Variants in OSMR observed in about 807,000 individuals in gnomAD.
OSMR encodes the protein oncostatin M receptor, also known as oncostatin-M-specific receptor subunit beta.
OSMR carries 81 observed loss-of-function variants against 99.9 expected under a neutral mutation model. The observed-to-expected ratio is 0.81, with a 90% CI of 0.68 to 0.97. The LOEUF is 0.97. Among genes scored for constraint, OSMR ranks in the 50% least tolerant of loss-of-function variants. The probability of loss-of-function intolerance (pLI) is 0.00; values close to 1 mark genes in which losing one functional copy is unlikely to be tolerated. For missense variants in OSMR, 1,099 were observed against 1,153.4 expected (o/e 0.95, Z 0.68); for synonymous variants, 406 against 410.4 (o/e 0.99, Z 0.13).
intron 9 of OSMR, 93 bp from the exon 10 acceptor site, chr5:38,917,453 A>G: frequency 6.4e-7 from 1 of 1,559,202 alleles, no homozygotes; most frequent in Non-Finnish European, 8.7e-7. Flanking sequence ...TTGGACAGGT[A>G]ATTGTCATGT....
intron 7 of OSMR, among the ~76,000 whole-genome samples, chr5:38,896,892 C>T (rs959898965): frequency 2.0e-5 from 3 of 151,992 alleles, no homozygotes; most frequent in Admixed American, 2.0e-4. Context: ...GCTTTTTTAG[C>T]ATCAATTGAA....
At chr5:38,876,470 ATATAT>A (rs1742850082) in intron 3 of OSMR, 97 bp downstream of exon 3, 3 of 960,488 alleles carry the variant, frequency 3.1e-6, no homozygotes, top group Non-Finnish European at 4.9e-6. Flanking sequence ...CGTTTTGGAA[ATATAT>A]TAGCAGCTCA....
intron 9 of OSMR, among the ~76,000 whole-genome samples, chr5:38,909,635 A>G (rs1450028707): frequency 2.0e-5 from 3 of 152,220 alleles, no homozygotes; most frequent in Non-Finnish European, 2.9e-5. Context: ...ACTAAGCTTC[A>G]TAAGTGAATG....
At chr5:38,901,719 A>G (rs916843933) in intron 7 of OSMR, among the ~76,000 whole-genome samples, 1 of 152,148 alleles carries the variant, frequency 6.6e-6, no homozygotes, top group Non-Finnish European at 1.5e-5. Flanking sequence ...GGACATCTGT[A>G]ATTTTATTGA....
chr5:38,886,169 C>T lies in OSMR; in HGVS notation c.970C>T (p.Leu324Phe). 6.2e-7 allele frequency: 1 copy of T among 1,614,072 alleles called. No homozygotes were observed. The highest frequency in any genetic ancestry group is 1.1e-5 in the South Asian group (1 of 91,076). ...NYLRKRSVNI[L>F]FNLTHRVYLM... ...CTTAAGGAAGAGAAGTGTCAATATC[C>T]TTTTTAACCTGACTCATCGAGGTGA... Residue 324 changes from leucine to phenylalanine, a missense_variant, in exon 7 of 18, where the codon CTT becomes TTT. By Grantham distance (22) the Leu-to-Phe change is conservative. Coordinates refer to ENST00000274276, the MANE Select transcript of OSMR (RefSeq NM_003999.3).
At chr5:38,855,481 C>A (rs1314126391) in intron 1 of OSMR, among the ~76,000 whole-genome samples, 1 of 152,184 alleles carries the variant, frequency 6.6e-6, no homozygotes. Context: ...CTCCCACACT[C>A]CTCTGCTCCT....
At chr5:38,900,459 G>A (rs981908349) in intron 7 of OSMR, among the ~76,000 whole-genome samples, 1 of 152,126 alleles carries the variant, frequency 6.6e-6, no homozygotes, top group African/African-American at 2.4e-5. Flanking sequence ...GATCCTGCAG[G>A]TGGGACAATC....
At chr5:38,875,863 C>T (rs1340490141) in intron 2 of OSMR, among the ~76,000 whole-genome samples, 1 of 152,180 alleles carries the variant, frequency 6.6e-6, no homozygotes, top group Non-Finnish European at 1.5e-5. Context: ...ACATTTCCAT[C>T]AAAAAGTCTT....
chr5:38,891,062 A>G (rs1432191757), intron 7 of OSMR, among the ~76,000 whole-genome samples: 1 of 152,198 alleles, frequency 6.6e-6, no homozygotes, highest in African/African-American at 2.4e-5. Context: ...AGTGGATTTT[A>G]ATTGGCCATC....
At chr5:38,939,042 C>A (rs1377793106), downstream of OSMR, 1 of 232,946 alleles carries the variant, frequency 4.3e-6, no homozygotes, top group African/African-American at 2.2e-5. Context: ...TCATCTCACA[C>A]AAAATTAGCA....
rs752271390 is a variant in OSMR at position 38,925,248 on chromosome 5, A to C, written c.2089A>C (p.Lys697Gln). 6.2e-7 allele frequency: 1 copy of C among 1,614,108 alleles called. No homozygotes were observed. Among genetic ancestry groups the C allele is most frequent in the South Asian group, 1.1e-5 (1 of 91,076 alleles). Reference sequence around the variant, plus strand: ...ATACAAAATTGACAACCCGGAAGAAAAGGCATTGATTGTGGACAACCTAAA... The same window carrying C: ...ATACAAAATTGACAACCCGGAAGAACAGGCATTGATTGTGGACAACCTAAA... ...CKYKIDNPEE[K>Q]ALIVDNLKPE... The change falls in exon 15 of 18, where the codon AAG becomes CAG. Residue 697 changes from lysine (K) to glutamine (Q), a missense_variant. Physicochemically the swap from Lys to Gln is moderately conservative, Grantham distance 53. Coordinates refer to ENST00000274276, the MANE Select transcript of OSMR (RefSeq NM_003999.3).
chr5:38,919,066 A>C lies in OSMR; in HGVS notation c.1585+4A>C, dbSNP rs138324233. On this transcript the variant is annotated splice_donor_region_variant and intron_variant, in intron 11 of 17. Transcript: ENST00000274276. Reference sequence around the variant, plus strand: ...ATCTCTGCAGACCCCGAAAACAGTGAGTTTGTTTTCATTTTCTTTTGTTTT... The same window carrying C: ...ATCTCTGCAGACCCCGAAAACAGTGCGTTTGTTTTCATTTTCTTTTGTTTT... 9 of 1,613,650 alleles carry C rather than the reference A, an allele frequency of 5.6e-6. No homozygotes were observed. The Middle Eastern group carries it at 4.9e-4, about 89-fold the overall frequency.
At chr5:38,846,616 T>G (rs745702596) in intron 1 of OSMR, among the ~76,000 whole-genome samples, 68 of 152,156 alleles carry the variant, frequency 4.5e-4, no homozygotes, top group Non-Finnish European at 7.8e-4. Flanking sequence ...GACTCCCACC[T>G]GAGAGAGCCA....
chr5:38,849,592 T>C (rs1740195383), intron 1 of OSMR, among the ~76,000 whole-genome samples: 1 of 152,226 alleles, frequency 6.6e-6, no homozygotes, highest in African/African-American at 2.4e-5. Flanking sequence ...ACATACATTT[T>C]CTCTTTACAA....
rs1743299729 is a variant in OSMR, at chr5:38,881,709, C to T, written c.363C>T (p.Ala121=). 6.2e-7 allele frequency: 1 copy of T among 1,614,174 alleles called. No homozygotes were observed. Among genetic ancestry groups the T allele is most frequent in the Non-Finnish European group, 8.5e-7 (1 of 1,180,030 alleles). ...GAATAAAGAGTTTGGTGGACGATGCCAAGTTCCCTGAGCCAAATTTCTGGA... is the reference window on the plus strand; with the variant it reads ...GAATAAAGAGTTTGGTGGACGATGCTAAGTTCCCTGAGCCAAATTTCTGGA... The part of the protein sequence containing the change: ...FVRIKSLVDD[A]KFPEPNFWSN... Residue 121 remains alanine, a synonymous_variant, in exon 4 of 18, where the codon GCC becomes GCT. Coordinates refer to ENST00000274276, the MANE Select transcript of OSMR (RefSeq NM_003999.3).
chr5:38,868,536 A>T (rs1458667054), intron 1 of OSMR, among the ~76,000 whole-genome samples: 1 of 152,162 alleles, frequency 6.6e-6, no homozygotes, highest in Non-Finnish European at 1.5e-5. Context: ...TGGGCTTATC[A>T]AGGTTTTCCA....
At chr5:38,929,626 A>G (rs1746628103) in intron 15 of OSMR, among the ~76,000 whole-genome samples, 1 of 152,204 alleles carries the variant, frequency 6.6e-6, no homozygotes, top group African/African-American at 2.4e-5. Context: ...AAATTGGTAC[A>G]AGCAATTTTG....
At chr5:38,872,814 G>A (rs1343948693) in intron 2 of OSMR, among the ~76,000 whole-genome samples, 1 of 152,018 alleles carries the variant, frequency 6.6e-6, no homozygotes, top group Non-Finnish European at 1.5e-5. Flanking sequence ...TGGGGTACAT[G>A]TTCCAATACA....
At chr5:38,932,631 A>AAAAT in intron 17 of OSMR, 96 bp downstream of exon 17, 1 of 1,565,636 alleles carries the variant, frequency 6.4e-7, no homozygotes, top group South Asian at 1.2e-5. Context: ...GCTCCTCAGG[A>AAAAT]AAATATAGCA....
Sources: gnomAD v4.1 joint callset for allele counts (sites outside exome capture counted in the v4.1 genomes callset) on GRCh38, gnomAD v4.1.1 for gene constraint, MANE v1.5 for transcripts, NCBI Gene and HGNC (gene_info 2026-07-23, HGNC 2026-07-21) for gene names.